Variants in KIAA1549L observed in about 807,000 individuals in gnomAD.
The protein encoded by KIAA1549L is KIAA1549 like.
Under a neutral mutation model 160.7 loss-of-function variants are expected in KIAA1549L, and 88 were observed. The observed-to-expected ratio is 0.55, with a 90% confidence interval of 0.46 to 0.65. The LOEUF (loss-of-function observed/expected upper bound fraction) is 0.65. Among genes scored for constraint, KIAA1549L ranks in the 30% least tolerant of loss-of-function variants. KIAA1549L has a pLI of 0.00. For missense variants in KIAA1549L, 2,258 were observed against 2,437.5 expected, an observed-to-expected ratio of 0.93 and a Z score of 1.55; for synonymous variants, 950 against 976.7, an observed-to-expected ratio of 0.97 and a Z score of 0.51.
In KIAA1549L at chr11:33,542,575, G is replaced by C. The variant is rs756178114; in HGVS notation, c.1012G>C (p.Gly338Arg). 8.1e-6 allele frequency: 13 copies of C among 1,613,860 alleles called. No individual in the cohort carries two copies. Among genetic ancestry groups the C allele is most frequent in the Non-Finnish European group, 1.0e-5 (12 of 1,179,818 alleles). ...LSPTEGPHSA[G>R]SSTPGFLSPM... ...CCCAACAGAGGGTCCCCATTCAGCA[G>C]GTTCATCCACACCTGGGTTTTTGAG... The change falls in exon 2 of 21, where the codon GGT becomes CGT. Residue 338 changes from glycine (G) to arginine (R), a missense_variant. This residue lies in a region of KIAA1549L where 540 missense variants were observed against 465.7 expected (regional missense o/e 1.16). Coordinates refer to ENST00000658780, the MANE Select transcript of KIAA1549L (RefSeq NM_012194.3).
At chr11:33,465,370 TCTTCCTTC>T (rs1852035223) in intron 1 of KIAA1549L, among the ~76,000 whole-genome samples, 1 of 152,038 alleles carries the variant, frequency 6.6e-6, no homozygotes, top group Non-Finnish European at 1.5e-5. Flanking sequence ...GACCTTCTTG[TCTTCCTTC>T]ACCGTCACCT....
At chr11:33,462,717 C>T (rs771522122) in intron 1 of KIAA1549L, among the ~76,000 whole-genome samples, 48 of 151,970 alleles carry the variant, frequency 3.2e-4, no homozygotes, top group Non-Finnish European at 4.6e-4. Flanking sequence ...TTTCCAGTTT[C>T]CTTACATATA....
intron 20 of KIAA1549L, among the ~76,000 whole-genome samples, chr11:33,666,117 C>T (rs1384630187): frequency 6.6e-6 from 1 of 151,986 alleles, no homozygotes. Context: ...CAGGGAGGCT[C>T]GAATCCACAG....
intron 1 of KIAA1549L, among the ~76,000 whole-genome samples, chr11:33,408,843 G>T (rs1590225729): frequency 6.6e-6 from 1 of 150,516 alleles, no homozygotes; most frequent in Non-Finnish European, 1.5e-5. Context: ...CCAGCTACTC[G>T]GGAGGGCGAG....
intron 12 of KIAA1549L, among the ~76,000 whole-genome samples, chr11:33,592,577 T>A (rs1281996197): frequency 6.6e-6 from 1 of 152,250 alleles, no homozygotes; most frequent in African/African-American, 2.4e-5. Context: ...GATCATTTGC[T>A]GTTTATCAGG....
intron 7 of KIAA1549L, among the ~76,000 whole-genome samples, chr11:33,560,737 A>G (rs1049811918): frequency 1.3e-5 from 2 of 152,214 alleles, no homozygotes; most frequent in African/African-American, 4.8e-5. Context: ...ACATATTAGC[A>G]AAATTGTCTC....
At chr11:33,455,126 C>A (rs985783698) in intron 1 of KIAA1549L, among the ~76,000 whole-genome samples, 23 of 152,042 alleles carry the variant, frequency 1.5e-4, no homozygotes, top group Non-Finnish European at 3.4e-4. Context: ...CAAACAACAA[C>A]AAAAAAACCG....
intron 1 of KIAA1549L, among the ~76,000 whole-genome samples, chr11:33,531,801 G>A (rs938293126): frequency 2.0e-5 from 3 of 152,200 alleles, no homozygotes; most frequent in African/African-American, 4.8e-5. Context: ...TTGGGTGTGG[G>A]TGGATGCTTC....
intron 1 of KIAA1549L, among the ~76,000 whole-genome samples, chr11:33,494,457 T>C (rs957659057): frequency 1.3e-5 from 2 of 152,186 alleles, no homozygotes; most frequent in Admixed American, 6.5e-5. Flanking sequence ...TACCAACATA[T>C]TCGTTTTTCT....
At chr11:33,515,850 G>GTTCCCTCT (rs1185387403) in intron 1 of KIAA1549L, among the ~76,000 whole-genome samples, 1 of 152,154 alleles carries the variant, frequency 6.6e-6, no homozygotes, top group African/African-American at 2.4e-5. Context: ...CACTATTAGA[G>GTTCCCTCT]GGAATCCTCT....
chr11:33,454,545 G>A (rs1851783524), intron 1 of KIAA1549L, among the ~76,000 whole-genome samples: 1 of 152,024 alleles, frequency 6.6e-6, no homozygotes, highest in Non-Finnish European at 1.5e-5. Context: ...AGTAATTGAT[G>A]CATTTTTTTC....
Position 33,609,868 on chromosome 11 carries a change from C to A in KIAA1549L, c.5181C>A (p.Thr1727=), listed in dbSNP as rs758137813. 4.3e-6 allele frequency: 7 copies of A among 1,613,440 alleles called. No homozygotes were observed. The African/African-American group carries it at 9.4e-5, about 22-fold the overall frequency. ...FPAVETSKGL[T]ERKKMYEKAP... ...CAGTGGAGACGAGCAAGGGTCTGAC[C>A]GAAAGAAAGAAGATGTATGAAAAAG... is the stretch of plus-strand genomic sequence containing the variant. The change falls in exon 15 of 21, where the codon ACC becomes ACA. Residue 1727 remains threonine (T), a synonymous_variant. Transcript: ENST00000658780.
chr11:33,525,756 G>A (rs1178461550), intron 1 of KIAA1549L, among the ~76,000 whole-genome samples: 1 of 152,048 alleles, frequency 6.6e-6, no homozygotes, highest in Admixed American at 6.6e-5. Context: ...CTGCCTGGAT[G>A]TATACTTGGT....
chr11:33,665,230 AGGAGGTTTATT>A (rs1315143925), intron 20 of KIAA1549L: 1 of 152,268 alleles, frequency 6.6e-6, no homozygotes, highest in Non-Finnish European at 1.5e-5. Context: ...GAAGGTGAAA[AGGAGGTTTATT>A]TAGTGTTAGA....
At chr11:33,407,080 CA>C (rs1850673592) in intron 1 of KIAA1549L, among the ~76,000 whole-genome samples, 2 of 79,586 alleles carry the variant, frequency 2.5e-5, no homozygotes, top group Admixed American at 1.4e-4. Context: ...TTTCTTTTTT[CA>C]TTTTTTTTTT....
intron 16 of KIAA1549L, among the ~76,000 whole-genome samples, chr11:33,620,309 T>C (rs1186362926): frequency 6.6e-6 from 1 of 152,208 alleles, no homozygotes; most frequent in Non-Finnish European, 1.5e-5. Context: ...TTTATTCTAA[T>C]AGACTTCTTT....
chr11:33,611,057 A>G (rs1189797300), intron 15 of KIAA1549L, among the ~76,000 whole-genome samples: 1 of 152,228 alleles, frequency 6.6e-6, no homozygotes, highest in Admixed American at 6.5e-5. Context: ...AAAACATTCA[A>G]CCATGGCTGC....
At chr11:33,645,533 A>C (rs1035471863) in intron 16 of KIAA1549L, among the ~76,000 whole-genome samples, 153 bp from the exon 17 acceptor site, 3 of 152,166 alleles carry the variant, frequency 2.0e-5, no homozygotes, top group African/African-American at 7.2e-5. Context: ...GTACCCCAGT[A>C]GTGTGAATTC....
At chr11:33,489,412 C>T (rs527417635) in intron 1 of KIAA1549L, among the ~76,000 whole-genome samples, 1 of 152,338 alleles carries the variant, frequency 6.6e-6, no homozygotes, top group African/African-American at 2.4e-5. Context: ...AATCTAATTA[C>T]TTCCAAAGGC....
Sources: gnomAD v4.1 joint callset for allele counts (sites outside exome capture counted in the v4.1 genomes callset) on GRCh38, gnomAD v4.1.1 for gene constraint, gnomAD v4.1.1 regional missense constraint, MANE v1.5 for transcripts, NCBI Gene and HGNC (gene_info 2026-07-23, HGNC 2026-07-21) for gene names.